GGH: variants seen among roughly 807,000 people sequenced by gnomAD.
GGH encodes the protein gamma-Glu-X carboxypeptidase.
In GGH, 18 loss-of-function variants were observed where a neutral mutation model predicts 39.2. That is an observed-to-expected ratio of 0.46 (90% CI 0.32 to 0.68). The LOEUF is 0.68. Among genes scored for constraint, GGH ranks in the 30% least tolerant of loss-of-function variants. The pLI, the probability that GGH is intolerant of heterozygous loss-of-function variation, is 0.04. For synonymous variants in GGH, 147 were observed against 138.8 expected, an observed-to-expected ratio of 1.06 and a Z score of -0.42; for missense variants, 367 against 384.1, an observed-to-expected ratio of 0.96 and a Z score of 0.37.
chr8:63,019,711 G>C (rs1432223797), intron 7 of GGH, among the ~76,000 whole-genome samples: 1 of 152,226 alleles, frequency 6.6e-6, no homozygotes, highest in East Asian at 1.9e-4. Flanking sequence ...AGCTTTAGCA[G>C]AAAATCGCCC....
intron 5 of GGH, 122 bp downstream of exon 5, chr8:63,026,036 A>C: frequency 1.3e-6 from 1 of 747,000 alleles, no homozygotes; most frequent in Non-Finnish European, 2.2e-6. Flanking sequence ...TGTCATAAGC[A>C]TTTTTTCCTT....
In GGH at chr8:63,030,814, A is replaced by G. The variant is rs912312608; in HGVS notation, c.225-597T>C. ...ACTGCCCAGGTAATTACTCTGAAAG[A>G]CCCTTGATCAAACACCCCTTAAGGG... On this transcript the variant is annotated intron_variant, in intron 2 of 8. Coordinates refer to ENST00000260118, the MANE Select transcript of GGH (RefSeq NM_003878.3). 2.0e-5 allele frequency among the ~76,000 whole-genome samples: 3 copies of G among 151,920 alleles called. No individual in the cohort carries two copies. In the East Asian group the frequency reaches 5.8e-4, roughly 29 times the overall value.
chr8:63,015,566 G>C, intron 8 of GGH, 113 bp from the exon 9 acceptor site: 3 of 553,400 alleles, frequency 5.4e-6, no homozygotes. Flanking sequence ...ATATCAACAA[G>C]AAGAGAAATG....
intron 2 of GGH, among the ~76,000 whole-genome samples, chr8:63,033,725 A>G (rs1261591167): frequency 6.6e-6 from 1 of 151,942 alleles, no homozygotes; most frequent in African/African-American, 2.4e-5. Flanking sequence ...TGATCCTGTC[A>G]CCCAGGTAGT....
At chr8:63,026,387 T>C in intron 4 of GGH, 91 bp from the exon 5 acceptor site, 1 of 894,106 alleles carries the variant, frequency 1.1e-6, no homozygotes, top group Non-Finnish European at 1.8e-6. Flanking sequence ...AATAGGCACC[T>C]GAGTTACACA....
chr8:63,031,820 T>C (rs1298925821), intron 2 of GGH, among the ~76,000 whole-genome samples: 1 of 152,164 alleles, frequency 6.6e-6, no homozygotes, highest in Non-Finnish European at 1.5e-5. Context: ...CAAAAGTCCC[T>C]TTCAACAAGG....
intron 7 of GGH, among the ~76,000 whole-genome samples, chr8:63,020,933 C>A (rs1371587906): frequency 6.6e-6 from 1 of 152,102 alleles, no homozygotes; most frequent in African/African-American, 2.4e-5. Context: ...CTGCAGCAAT[C>A]CAGGTGGCAG....
chr8:63,032,770 TGA>T (rs540898349), intron 2 of GGH, among the ~76,000 whole-genome samples: 114 of 152,366 alleles, frequency 7.5e-4, no homozygotes, highest in African/African-American at 2.6e-3. Flanking sequence ...AAGTGAACTC[TGA>T]GAACCCAATT....
intron 3 of GGH, among the ~76,000 whole-genome samples, chr8:63,029,395 T>C (rs906663633): frequency 3.3e-5 from 5 of 152,194 alleles, no homozygotes; most frequent in African/African-American, 1.2e-4. Context: ...CATAGTATTC[T>C]ATTGAATGTA....
At chr8:63,028,669 G>A (rs1804745241) in intron 3 of GGH, among the ~76,000 whole-genome samples, 1 of 152,172 alleles carries the variant, frequency 6.6e-6, no homozygotes, top group Admixed American at 6.5e-5. Flanking sequence ...ACATGAGAGA[G>A]AAAAGGGGCC....
intron 2 of GGH, among the ~76,000 whole-genome samples, chr8:63,035,123 C>G (rs997568651): frequency 1.3e-5 from 2 of 151,914 alleles, no homozygotes; most frequent in Non-Finnish European, 2.9e-5. Context: ...TCATTTCATT[C>G]TTGATGTTAA....
intron 7 of GGH, among the ~76,000 whole-genome samples, chr8:63,023,247 A>G (rs1271949430): frequency 6.6e-6 from 1 of 152,246 alleles, no homozygotes; most frequent in East Asian, 1.9e-4. Flanking sequence ...CTAGGAGAAC[A>G]GCCCATCATT....
chr8:63,019,597 CATA>C (rs35900090), intron 7 of GGH, among the ~76,000 whole-genome samples: 19,289 of 152,172 alleles, frequency 0.13, 1,409 homozygotes, highest in East Asian at 0.34. Flanking sequence ...GGGCACAGGT[CATA>C]ATGTTTTTTT....
chr8:63,037,018 C>T (rs548326426), intron 1 of GGH, among the ~76,000 whole-genome samples: 7 of 152,112 alleles, frequency 4.6e-5, no homozygotes, highest in Non-Finnish European at 5.9e-5. Flanking sequence ...ACACGTCTGT[C>T]GGGTGAGTAC....
chr8:63,019,736 A>G (rs1804551754), intron 7 of GGH, among the ~76,000 whole-genome samples: 2 of 152,240 alleles, frequency 1.3e-5, no homozygotes, highest in South Asian at 4.1e-4. Flanking sequence ...AAGCTTCACC[A>G]GAGTCCTTCT....
At chr8:63,034,489 G>A (rs74821309) in intron 2 of GGH, among the ~76,000 whole-genome samples, 12,129 of 152,170 alleles carry the variant, frequency 0.08, 912 homozygotes, top group East Asian at 0.42. Context: ...TGTTTTATGT[G>A]TGAAATCACT....
chr8:63,019,783 G>A (rs772565653), intron 7 of GGH, among the ~76,000 whole-genome samples: 2 of 152,098 alleles, frequency 1.3e-5, no homozygotes, highest in African/African-American at 2.4e-5. Context: ...CCTTTCATCC[G>A]AGGGCTATTT....
chr8:63,026,279 G>A lies in GGH; in HGVS notation c.378C>T (p.Asp126=), dbSNP rs975220274. The A allele has an allele frequency of 1.9e-6, 3 of 1,603,124 alleles. No homozygotes were observed. The highest frequency in any genetic ancestry group is 1.3e-5 in the African/African-American group (1 of 74,312). ...GGCATGTGCCCCACACAGGAAAATA[G>A]TCTCCATCATCAAAACTCTTTGCAA... ...NLSIQSFDDG[D]YFPVWGTCLG... is the part of the protein sequence containing the mutation. The change falls in exon 5 of 9, where the codon GAC becomes GAT. Residue 126 remains aspartate (D), a synonymous_variant. Coordinates refer to ENST00000260118, the MANE Select transcript of GGH (RefSeq NM_003878.3).
intron 7 of GGH, 61 bp downstream of exon 7, chr8:63,023,846 A>C: frequency 8.3e-7 from 1 of 1,206,680 alleles, no homozygotes; most frequent in Non-Finnish European, 1.1e-6. Context: ...TGAGACATAT[A>C]AAATCAAAAT....
Sources: gnomAD v4.1 joint callset for allele counts (sites outside exome capture counted in the v4.1 genomes callset) on GRCh38, gnomAD v4.1.1 for gene constraint, MANE v1.5 for transcripts, NCBI Gene and HGNC (gene_info 2026-07-23, HGNC 2026-07-21) for gene names.